UQCC1: variants seen among roughly 807,000 people sequenced by gnomAD.
UQCC1 encodes bFGF-repressed Zic-binding protein.
In UQCC1, 38 loss-of-function variants were observed where a neutral mutation model predicts 48.0. The ratio of observed to expected loss-of-function variants is 0.79; its 90% confidence interval spans 0.61 to 1.04. The LOEUF (loss-of-function observed/expected upper bound fraction) is 1.04. Among genes scored for constraint, UQCC1 ranks in the 50% least tolerant of loss-of-function variants. UQCC1 has a pLI of 0.00. For missense variants in UQCC1, 368 were observed against 381.8 expected, an observed-to-expected ratio of 0.96 and a Z score of 0.30; for synonymous variants, 111 against 129.2, an observed-to-expected ratio of 0.86 and a Z score of 0.95.
chr20:35,347,443 AG>A (rs1226938504), intron 6 of UQCC1, among the ~76,000 whole-genome samples, 171 bp from the exon 7 acceptor site: 2 of 152,104 alleles, frequency 1.3e-5, no homozygotes, highest in African/African-American at 2.4e-5. Context: ...GATACTATTA[AG>A]TGTATAAATC....
chr20:35,367,092 T>TAAAAAAAAAAAAAAA (rs72469122), intron 5 of UQCC1, among the ~76,000 whole-genome samples: 1 of 101,796 alleles, frequency 9.8e-6, no homozygotes, highest in Non-Finnish European at 2.0e-5. Flanking sequence ...AGACTCTGTC[T>TAAAAAAAAAAAAAAA]AAAAAAAAAA....
chr20:35,373,341 AC>A (rs1360180786), intron 5 of UQCC1, among the ~76,000 whole-genome samples: 6 of 152,314 alleles, frequency 3.9e-5, no homozygotes, highest in African/African-American at 1.4e-4. Flanking sequence ...AAAATTAAAA[AC>A]AGGAATAGCT....
intron 6 of UQCC1, among the ~76,000 whole-genome samples, chr20:35,356,047 CTAACTTTTGTA>C (rs1282632020): frequency 6.6e-6 from 1 of 152,158 alleles, no homozygotes; most frequent in African/African-American, 2.4e-5. Context: ...CCATGCCCAG[CTAACTTTTGTA>C]TTTTCTGTAG....
At chr20:35,336,113 T>A (rs1216493500) in intron 7 of UQCC1, among the ~76,000 whole-genome samples, 2 of 152,178 alleles carry the variant, frequency 1.3e-5, no homozygotes. Flanking sequence ...AAACAACACT[T>A]GGGTTAAAAA....
chr20:35,382,005 G>T lies in UQCC1; in HGVS notation c.246C>A (p.Ser82=). 6.2e-7 allele frequency: 1 copy of T among 1,605,274 alleles called. No individual in the cohort carries two copies. The highest frequency in any genetic ancestry group is 8.5e-7 in the Non-Finnish European group (1 of 1,177,376). The change falls in exon 4 of 10, where the codon TCC becomes TCA. Residue 82 remains serine, a synonymous_variant. Transcript: ENST00000374385. The part of the protein sequence containing the change: ...TTRKLSTTKD[S]PQPVEEKVGA... ...CAACCTTCTCCTCAACAGGCTGTGG[G>T]GAATCTTTGGTAGTAGAAAGCTGAT...
intron 3 of UQCC1, among the ~76,000 whole-genome samples, chr20:35,383,264 C>T (rs2061898439): frequency 6.6e-6 from 1 of 152,154 alleles, no homozygotes; most frequent in Admixed American, 6.5e-5. Flanking sequence ...CAAGCAAAGG[C>T]AAGCTATCTA....
At chr20:35,361,359 C>T (rs150800247) in intron 6 of UQCC1, among the ~76,000 whole-genome samples, 2 of 152,144 alleles carry the variant, frequency 1.3e-5, no homozygotes, top group African/African-American at 2.4e-5. Context: ...GACTGACCCA[C>T]CCCTAAACTA....
At chr20:35,353,893 G>A (rs1460599231) in intron 6 of UQCC1, among the ~76,000 whole-genome samples, 1 of 152,060 alleles carries the variant, frequency 6.6e-6, no homozygotes, top group Non-Finnish European at 1.5e-5. Flanking sequence ...AGTTCTGCAA[G>A]CTGTATTTAT....
chr20:35,362,655 G>A (rs752276417), intron 6 of UQCC1, among the ~76,000 whole-genome samples: 6 of 152,056 alleles, frequency 3.9e-5, no homozygotes, highest in African/African-American at 9.7e-5. Flanking sequence ...CACTGGGCCC[G>A]GCCAAAACTT....
intron 7 of UQCC1, among the ~76,000 whole-genome samples, chr20:35,340,505 C>G (rs1412902529): frequency 6.6e-6 from 1 of 152,176 alleles, no homozygotes; most frequent in Non-Finnish European, 1.5e-5. Context: ...TTTAGTTACA[C>G]TCACACTTTT....
intron 7 of UQCC1, among the ~76,000 whole-genome samples, chr20:35,342,515 C>A (rs987744490): frequency 3.3e-5 from 5 of 152,212 alleles, no homozygotes; most frequent in Admixed American, 2.0e-4. Flanking sequence ...GTAGGAGAGG[C>A]AGAGAGTGAA....
chr20:35,390,428 A>G (rs1193220659), intron 2 of UQCC1, among the ~76,000 whole-genome samples: 3 of 152,020 alleles, frequency 2.0e-5, no homozygotes, highest in Admixed American at 1.3e-4. Context: ...TCTCAAAAAA[A>G]AAAAAAAAAA....
chr20:35,351,159 G>A (rs2061486104), intron 6 of UQCC1, among the ~76,000 whole-genome samples: 1 of 152,126 alleles, frequency 6.6e-6, no homozygotes, highest in African/African-American at 2.4e-5. Flanking sequence ...GGGAGGCTGA[G>A]GTGAGCGGAT....
chr20:35,402,820 C>T (rs1478351817), intron 1 of UQCC1, among the ~76,000 whole-genome samples: 1 of 151,290 alleles, frequency 6.6e-6, no homozygotes, highest in Non-Finnish European at 1.5e-5. Context: ...TACTCCAGTA[C>T]TTTGGGAGGC....
chr20:35,347,907 T>G (rs541815634), intron 6 of UQCC1, among the ~76,000 whole-genome samples: 1 of 152,366 alleles, frequency 6.6e-6, no homozygotes, highest in African/African-American at 2.4e-5. Context: ...TTGTTTCTTT[T>G]TACTTTTTCA....
At chr20:35,343,202 CAGA>C (rs770623010) in intron 7 of UQCC1, among the ~76,000 whole-genome samples, 5 of 152,116 alleles carry the variant, frequency 3.3e-5, no homozygotes, top group Non-Finnish European at 7.4e-5. Context: ...CCAAATAACA[CAGA>C]GATAGATTTG....
intron 4 of UQCC1, among the ~76,000 whole-genome samples, chr20:35,374,791 G>T (rs1001075100): frequency 6.6e-6 from 1 of 151,226 alleles, no homozygotes; most frequent in Non-Finnish European, 1.5e-5. Context: ...TGTAAATAAG[G>T]GTTTCTAATG....
chr20:35,342,582 C>G (rs899664239), intron 7 of UQCC1, among the ~76,000 whole-genome samples: 3 of 152,182 alleles, frequency 2.0e-5, no homozygotes, highest in African/African-American at 7.2e-5. Context: ...AAGGCGCTGT[C>G]TGTTTTTACA....
At chr20:35,405,229 T>C (rs566346665) in intron 1 of UQCC1, among the ~76,000 whole-genome samples, 2 of 152,186 alleles carry the variant, frequency 1.3e-5, no homozygotes, top group Non-Finnish European at 2.9e-5. Flanking sequence ...TAACAGAAAT[T>C]TAAAGAAATT....
Sources: allele counts gnomAD v4.1 joint callset (sites outside exome capture counted in the v4.1 genomes callset), GRCh38; gene constraint gnomAD v4.1.1; transcripts MANE v1.5; gene names NCBI Gene and HGNC (gene_info 2026-07-23, HGNC 2026-07-21).